AUP1: variants seen among roughly 807,000 people sequenced by gnomAD.
AUP1 encodes the protein lipid droplet-regulating VLDL assembly factor AUP1.
Under a neutral mutation model 51.8 loss-of-function variants are expected in AUP1, and 30 were observed. The ratio of observed to expected loss-of-function variants is 0.58; its 90% confidence interval spans 0.43 to 0.79. The LOEUF is 0.79. AUP1 is among the 30% of genes least tolerant of loss of function. The probability of loss-of-function intolerance (pLI) is 0.00; values close to 1 mark genes in which losing one functional copy is unlikely to be tolerated. For missense variants in AUP1, 492 were observed against 517.1 expected (o/e 0.95, Z 0.47); for synonymous variants, 227 against 209.0 (o/e 1.09, Z -0.74).
rs1036738750 is a variant in AUP1 at position 74,527,240 on chromosome 2, G to T, written c.1077+8C>A. Reference sequence around the variant, plus strand: ...AACACTTGGATCTGACCATTTCCTGGGTCTCACCTTGGAGGCAGAGGCTGT... The same window carrying T: ...AACACTTGGATCTGACCATTTCCTGTGTCTCACCTTGGAGGCAGAGGCTGT... On this transcript the variant is annotated splice_region_variant and intron_variant, in intron 10 of 11. Transcript: ENST00000377526. The T allele has an allele frequency of 6.2e-7, 1 of 1,612,452 alleles. No individual in the cohort carries two copies. Among genetic ancestry groups the T allele is most frequent in the Non-Finnish European group, 8.5e-7 (1 of 1,179,044 alleles).
rs1218364210 is a variant in AUP1, at chr2:74,529,141, G to T, written c.330C>A (p.Thr110=). ...CCTCGCTCTCACTCACGGTGCTACA[G>T]GTGGTAAGCAAATTGACTATGTTGT... ...FDHNIVNLLT[T]CSTPLLNSPP... is the part of the protein sequence containing the mutation. Residue 110 remains threonine (T), a synonymous_variant, in exon 3 of 12, where the codon ACC becomes ACA. Coordinates refer to ENST00000377526, the MANE Select transcript of AUP1 (RefSeq NM_181575.5). 1 of 1,614,136 alleles carries T rather than the reference G, an allele frequency of 6.2e-7. No individual in the cohort carries two copies. Among genetic ancestry groups the T allele is most frequent in the Non-Finnish European group, 8.5e-7 (1 of 1,180,050 alleles).
In AUP1 at chr2:74,529,643, G is replaced by A; in HGVS notation, c.-14C>T. The A allele has an allele frequency of 6.4e-7, 1 of 1,554,608 alleles. No homozygotes were observed. The highest frequency in any genetic ancestry group is 8.7e-7 in the Non-Finnish European group (1 of 1,151,760). On this transcript the variant is annotated 5_prime_UTR_variant, in exon 1 of 12. Coordinates refer to ENST00000377526, the MANE Select transcript of AUP1 (RefSeq NM_181575.5). ...GGGAAGCTCCATAACTGCTGCTTCA[G>A]GAGCGCCCGGCCGTCGCCGCCGCCG...
chr2:74,527,228 G>T lies in AUP1; in HGVS notation c.1077+20C>A. 1.2e-6 allele frequency: 2 copies of T among 1,610,398 alleles called. No homozygotes were observed. The highest frequency in any genetic ancestry group is 2.2e-5 in the South Asian group (2 of 90,530). The stretch of plus-strand genomic sequence containing the variant: ...CCAACTCACCCCAACACTTGGATCT[G>T]ACCATTTCCTGGGTCTCACCTTGGA... On this transcript the variant is annotated intron_variant, in intron 10 of 11. Transcript: ENST00000377526.
chr2:74,529,324 A>G (rs746261566), intron 2 of AUP1, 38 bp downstream of exon 2: 1 of 1,613,766 alleles, frequency 6.2e-7, no homozygotes, highest in Non-Finnish European at 8.5e-7. Context: ...CTCGGGCCAG[A>G]CCCAGCTCTG....
chr2:74,527,249 T>G lies in AUP1; in HGVS notation c.1076A>C (p.Lys359Thr). 1 of 1,613,376 alleles carries G rather than the reference T, an allele frequency of 6.2e-7. No individual in the cohort carries two copies. Among genetic ancestry groups the G allele is most frequent in the South Asian group, 1.1e-5 (1 of 90,908 alleles). Residue 359 changes from lysine (K) to threonine (T), a missense_variant and splice_region_variant, in exon 10 of 12, where the codon AAG becomes ACG. Lys to Thr is a moderately conservative substitution (Grantham distance 78). Transcript: ENST00000377526. ...ATCTGACCATTTCCTGGGTCTCACC[T>G]TGGAGGCAGAGGCTGTGGGTAGGGA... Reference protein sequence around the residue: ...TQSLPTASASKFPSSGPVTPQ... With the variant: ...TQSLPTASASTFPSSGPVTPQ...
At chr2:74,528,984 G>GAAAAA (rs3835033) in intron 3 of AUP1, 49 bp from the exon 4 acceptor site, 1 of 1,350,364 alleles carries the variant, frequency 7.4e-7, no homozygotes, top group African/African-American at 1.5e-5. Flanking sequence ...TGAGGAAAAT[G>GAAAAA]AAAAAAAAAA....
intron 4 of AUP1, 125 bp from the exon 5 acceptor site, chr2:74,528,614 G>C: frequency 7.2e-7 from 1 of 1,394,376 alleles, no homozygotes. Flanking sequence ...GGATTCAGGA[G>C]AAAGAACTTA....
At position 74,529,618 on chromosome 2, in the gene AUP1, G is replaced by C. The variant is rs756868975; in HGVS notation, c.12C>G (p.Pro4=). The change falls in exon 1 of 12, where the codon CCC becomes CCG. Residue 4 remains proline (P), a synonymous_variant. Coordinates refer to ENST00000377526, the MANE Select transcript of AUP1 (RefSeq NM_181575.5). MEL[P]SGPGPERLFD... ...AGAGCCGCTCCGGCCCCGGCCCTGA[G>C]GGAAGCTCCATAACTGCTGCTTCAG... 2 of 1,568,952 alleles carry C rather than the reference G, an allele frequency of 1.3e-6. No homozygotes were observed. Among genetic ancestry groups the C allele is most frequent in the East Asian group, 4.7e-5 (2 of 42,730 alleles).
rs1475332662 is a variant in AUP1, at chr2:74,528,399, TG to T, written c.597+17del. 2 of 1,612,944 alleles carry T rather than the reference TG, an allele frequency of 1.2e-6. No individual in the cohort carries two copies. Among genetic ancestry groups the T allele is most frequent in the South Asian group, 2.2e-5 (2 of 91,054 alleles). On this transcript the variant is annotated intron_variant, in intron 5 of 11. Transcript: ENST00000377526. ...TCCCCTTCAAGCCCCAGAGATTCCCTGTTCAACACACACTCACCACAGAGAC... is the reference window on the plus strand; with the variant it reads ...TCCCCTTCAAGCCCCAGAGATTCCCTTTCAACACACACTCACCACAGAGAC...
rs1022239819 is a variant in AUP1, at chr2:74,527,172, G to T, written c.1077+76C>A. 2.0e-5 allele frequency: 32 copies of T among 1,600,404 alleles called. No individual in the cohort carries two copies. In the African/African-American group the frequency reaches 4.2e-4, roughly 21 times the overall value. On this transcript the variant is annotated intron_variant, in intron 10 of 11. Coordinates refer to ENST00000377526, the MANE Select transcript of AUP1 (RefSeq NM_181575.5). ...TAGGGTCTCAGGATCAAAAAAGAAA[G>T]GTCAGGGATAAGGGAGTACATAGCC...
In AUP1 at chr2:74,527,071, A is replaced by G. The variant is rs750424952; in HGVS notation, c.1078-12T>C. ...CCAGAGCTGGGAAACTGAGGTGATCACAATGTCAGAGGGCTTGCGGAGTCA... is the reference window on the plus strand; with the variant it reads ...CCAGAGCTGGGAAACTGAGGTGATCGCAATGTCAGAGGGCTTGCGGAGTCA... On this transcript the variant is annotated splice_polypyrimidine_tract_variant and intron_variant, in intron 10 of 11. Coordinates refer to ENST00000377526, the MANE Select transcript of AUP1 (RefSeq NM_181575.5). 6.2e-7 allele frequency: 1 copy of G among 1,614,188 alleles called. No individual in the cohort carries two copies. The highest frequency in any genetic ancestry group is 1.1e-5 in the South Asian group (1 of 91,074).
chr2:74,529,644 G>A lies in AUP1; in HGVS notation c.-15C>T, dbSNP rs371791263. Reference sequence around the variant, plus strand: ...GGAAGCTCCATAACTGCTGCTTCAGGAGCGCCCGGCCGTCGCCGCCGCCGC... The same window carrying A: ...GGAAGCTCCATAACTGCTGCTTCAGAAGCGCCCGGCCGTCGCCGCCGCCGC... On this transcript the variant is annotated 5_prime_UTR_variant, in exon 1 of 12. Transcript: ENST00000377526. 354 of 1,554,500 alleles carry A rather than the reference G, an allele frequency of 2.3e-4. 2 individuals are homozygous for A. Among genetic ancestry groups the A allele is most frequent in the Middle Eastern group, 8.8e-4 (4 of 4,566 alleles).
rs759846717 is a variant in AUP1, at chr2:74,529,663, C to T, written c.-34G>A. On this transcript the variant is annotated 5_prime_UTR_variant, in exon 1 of 12. Transcript: ENST00000377526. ...CTTCAGGAGCGCCCGGCCGTCGCCG[C>T]CGCCGCCATTTTCGCGCCCGGCCGC... is the stretch of plus-strand genomic sequence containing the variant. 4.5e-6 allele frequency: 7 copies of T among 1,545,154 alleles called. 1 individual carries two copies. In the South Asian group the frequency reaches 7.1e-5, roughly 16 times the overall value.
rs373539917 is a variant in AUP1, at chr2:74,529,344, G to A, written c.188+18C>T. On this transcript the variant is annotated intron_variant, in intron 2 of 11. Transcript: ENST00000377526. ...GCCAGACCCAGCTCTGACACTCCCC[G>A]AACGCCCGCGTCGGAACCTGCGAAG... is the stretch of plus-strand genomic sequence containing the variant. 1.1e-5 allele frequency: 17 copies of A among 1,612,738 alleles called. No individual in the cohort carries two copies. The South Asian group carries it at 1.2e-4, about 11-fold the overall frequency.
At position 74,526,750 on chromosome 2, in the gene AUP1, G is replaced by T; in HGVS notation, c.*50C>A. On this transcript the variant is annotated 3_prime_UTR_variant, in exon 12 of 12. Transcript: ENST00000377526. ...GCCTGTTGTGAGTTGGGTGAGGGCT[G>T]CCCCCAGTCTCCGTCCTGCGGCTCT... is the stretch of plus-strand genomic sequence containing the variant. 6.6e-7 allele frequency: 1 copy of T among 1,512,930 alleles called. No homozygotes were observed. The allele number at this position is 1,512,930 out of a possible 1,614,324, so 93.7% of individuals were successfully genotyped here.
chr2:74,528,202 G>A (rs369751295), intron 6 of AUP1, 46 bp downstream of exon 6: 39 of 1,570,894 alleles, frequency 2.5e-5, no homozygotes, highest in Non-Finnish European at 3.2e-5. Flanking sequence ...CCTTGACCTT[G>A]AGGTGAGCCT....
chr2:74,526,931 AC>A lies in AUP1; in HGVS notation c.1196+9del. On this transcript the variant is annotated intron_variant, in intron 11 of 11. Coordinates refer to ENST00000377526, the MANE Select transcript of AUP1 (RefSeq NM_181575.5). ...GCCACATCCTATTAATTGTCCTCTA[AC>A]CCCCTCACCTTCTTGCGTATTCATA... The A allele has an allele frequency of 1.2e-6, 2 of 1,612,898 alleles. No homozygotes were observed. The highest frequency in any genetic ancestry group is 2.2e-5 in the South Asian group (2 of 90,998).
In AUP1 at chr2:74,529,568, CG is replaced by C; in HGVS notation, c.50+11del. 6.4e-7 allele frequency: 1 copy of C among 1,558,350 alleles called. No individual in the cohort carries two copies. The highest frequency in any genetic ancestry group is 1.2e-5 in the South Asian group (1 of 85,008). ...CACGCGGGGATCGGTCTCTTCCCGC[CG>C]GGTCTCTTACCGGTGCGAGTCAAAG... On this transcript the variant is annotated intron_variant, in intron 1 of 11. Coordinates refer to ENST00000377526, the MANE Select transcript of AUP1 (RefSeq NM_181575.5).
intron 4 of AUP1, 71 bp downstream of exon 4, chr2:74,528,680 T>C (rs905919549): frequency 6.6e-7 from 1 of 1,511,550 alleles, no homozygotes; most frequent in Admixed American, 2.1e-5. Flanking sequence ...CCGAAGAAAG[T>C]TGTAAAAACT....
Sources: allele counts gnomAD v4.1 joint callset, GRCh38; gene constraint gnomAD v4.1.1; transcripts MANE v1.5; gene names NCBI Gene and HGNC (gene_info 2026-07-23, HGNC 2026-07-21).